GATAD2B: variants seen among roughly 807,000 people sequenced by gnomAD.
GATAD2B encodes transcriptional repressor p66-beta.
In GATAD2B, 8 loss-of-function variants were observed where a neutral mutation model predicts 64.3. The ratio of observed to expected loss-of-function variants is 0.12; its 90% CI spans 0.07 to 0.22. The LOEUF (loss-of-function observed/expected upper bound fraction) is 0.22, where lower values mean the gene tolerates loss of function less well. Ranked by LOEUF, GATAD2B falls within the 10% of genes least tolerant of loss-of-function variation. The pLI, the probability that GATAD2B is intolerant of heterozygous loss-of-function variation, is 1.00. For synonymous variants in GATAD2B, 281 were observed against 271.3 expected, an observed-to-expected ratio of 1.04 and a Z score of -0.35; for missense variants, 453 against 752.0, an observed-to-expected ratio of 0.60 and a Z score of 4.65.
In GATAD2B at chr1:153,852,207, T is replaced by C; in HGVS notation, c.-1-23859A>G. 3 of 1,045,984 alleles carry C rather than the reference T, an allele frequency of 2.9e-6. No individual in the cohort carries two copies. The South Asian group carries it at 3.9e-5, about 14-fold the overall frequency. The allele number at this position is 1,045,984 out of a possible 1,614,324, so 64.8% of individuals were successfully genotyped here. ...CAGTCAGTTGAGGGTGAAAGGGACCTACCAGCCAGTTGAGGGGCATGTTGT... is the reference window on the plus strand; with the variant it reads ...CAGTCAGTTGAGGGTGAAAGGGACCCACCAGCCAGTTGAGGGGCATGTTGT... On this transcript the variant is annotated intron_variant, in intron 1 of 10. Coordinates refer to ENST00000368655, the MANE Select transcript of GATAD2B (RefSeq NM_020699.4).
chr1:153,898,008 A>AC (rs1677651942), intron 1 of GATAD2B, among the ~76,000 whole-genome samples: 1 of 150,858 alleles, frequency 6.6e-6, no homozygotes, highest in African/African-American at 2.4e-5. Context: ...AAAAAACAAA[A>AC]AAAAAAAAAC....
At chr1:153,837,327 C>G (rs936240116) in intron 1 of GATAD2B, among the ~76,000 whole-genome samples, 1 of 140,772 alleles carries the variant, frequency 7.1e-6, no homozygotes, top group African/African-American at 2.7e-5. Flanking sequence ...GCCCTTATCT[C>G]AAAAACAACA....
chr1:153,876,592 G>A (rs1441427799), intron 1 of GATAD2B, among the ~76,000 whole-genome samples: 1 of 152,216 alleles, frequency 6.6e-6, no homozygotes, highest in Non-Finnish European at 1.5e-5. Flanking sequence ...AAGTTAGAGT[G>A]TGCTGCCTAG....
At chr1:153,910,307 A>T (rs1296403330) in intron 1 of GATAD2B, among the ~76,000 whole-genome samples, 1 of 152,168 alleles carries the variant, frequency 6.6e-6, no homozygotes, top group African/African-American at 2.4e-5. Context: ...CTCAACTTAA[A>T]ATTTTTCGAC....
intron 1 of GATAD2B, 98 bp from the exon 2 acceptor site, chr1:153,828,446 T>C: frequency 1.4e-6 from 1 of 715,378 alleles, no homozygotes; most frequent in Non-Finnish European, 2.3e-6. Context: ...AGAATCTCTC[T>C]CTCACACATA....
intron 1 of GATAD2B, among the ~76,000 whole-genome samples, chr1:153,867,962 G>A (rs1676535316): frequency 6.6e-6 from 1 of 152,196 alleles, no homozygotes; most frequent in Non-Finnish European, 1.5e-5. Flanking sequence ...ACTCTGGGAG[G>A]CTGAGGTGGG....
At position 153,870,339 on chromosome 1, in the gene GATAD2B, G is replaced by C. The variant is rs768305156; in HGVS notation, c.-1-41991C>G. On this transcript the variant is annotated intron_variant, in intron 1 of 10. Coordinates refer to ENST00000368655, the MANE Select transcript of GATAD2B (RefSeq NM_020699.4). ...TAATTCCAGCACTATGGGAGGCCAA[G>C]GCGGGCAGAATCACGAGGTCAGGAG... Among the ~76,000 whole-genome samples, 26 of 152,190 alleles carry C rather than the reference G, an allele frequency of 1.7e-4. 1 individual carries two copies. The highest frequency in any genetic ancestry group is 7.9e-4 in the Admixed American group (12 of 15,274).
At chr1:153,817,616 G>A (rs547415057) in intron 5 of GATAD2B, 74 bp from the exon 6 acceptor site, 3 of 1,005,786 alleles carry the variant, frequency 3.0e-6, no homozygotes, top group East Asian at 2.8e-5. Flanking sequence ...AATGCAAAAG[G>A]GAAAACACTG....
chr1:153,886,273 A>C (rs1677181035), intron 1 of GATAD2B, among the ~76,000 whole-genome samples: 1 of 152,234 alleles, frequency 6.6e-6, no homozygotes, highest in Non-Finnish European at 1.5e-5. Flanking sequence ...AGTGTATTTA[A>C]ACAAACCTAG....
chr1:153,867,849 G>T (rs1315388322), intron 1 of GATAD2B, among the ~76,000 whole-genome samples: 1 of 151,216 alleles, frequency 6.6e-6, no homozygotes, highest in Non-Finnish European at 1.5e-5. Context: ...GACAGAGTGA[G>T]ACTCCGTCTC....
chr1:153,817,077 A>C (rs899909698), intron 6 of GATAD2B, among the ~76,000 whole-genome samples: 3 of 152,044 alleles, frequency 2.0e-5, no homozygotes, highest in African/African-American at 7.2e-5. Context: ...CAGAAATAAG[A>C]TTTTGCTTTC....
chr1:153,836,157 C>A (rs1225745713), intron 1 of GATAD2B, among the ~76,000 whole-genome samples: 1 of 151,504 alleles, frequency 6.6e-6, no homozygotes, highest in African/African-American at 2.4e-5. Flanking sequence ...TAGAAAAGTA[C>A]ACAGTAAGGC....
At chr1:153,894,647 G>A (rs889313038) in intron 1 of GATAD2B, among the ~76,000 whole-genome samples, 8 of 151,960 alleles carry the variant, frequency 5.3e-5, no homozygotes, top group African/African-American at 1.9e-4. Context: ...CAGATCACGA[G>A]GTCAGAAGAT....
rs1012537445 is a variant in GATAD2B at position 153,912,014 on chromosome 1, G to A, written c.-2+10719C>T. Among the ~76,000 whole-genome samples the A allele has an allele frequency of 1.1e-4, 16 of 151,984 alleles. 1 individual carries two copies. Among genetic ancestry groups the A allele is most frequent in the African/African-American group, 2.4e-4 (10 of 41,378 alleles). On this transcript the variant is annotated intron_variant, in intron 1 of 10. Coordinates refer to ENST00000368655, the MANE Select transcript of GATAD2B (RefSeq NM_020699.4). The stretch of plus-strand genomic sequence containing the variant: ...CTCTCCCTGTAATTATCAAGTATTC[G>A]CGGAGCCAGAATAGAAAGTTTAATT...
At chr1:153,857,261 C>T (rs1676118595) in intron 1 of GATAD2B, among the ~76,000 whole-genome samples, 2 of 151,964 alleles carry the variant, frequency 1.3e-5, no homozygotes, top group South Asian at 4.1e-4. Flanking sequence ...GCCTGGCCAA[C>T]ATAGTGAAAC....
At chr1:153,840,064 C>A (rs1410258594) in intron 1 of GATAD2B, among the ~76,000 whole-genome samples, 6 of 130,894 alleles carry the variant, frequency 4.6e-5, no homozygotes, top group African/African-American at 1.5e-4. Context: ...CGGAGTCTCA[C>A]TCTTGTTGCC....
At chr1:153,913,691 G>C (rs1314384291) in intron 1 of GATAD2B, among the ~76,000 whole-genome samples, 2 of 152,162 alleles carry the variant, frequency 1.3e-5, no homozygotes, top group African/African-American at 4.8e-5. Flanking sequence ...GGCCAAGGCA[G>C]GCAGATCACG....
At chr1:153,877,002 C>T (rs1457499726) in intron 1 of GATAD2B, among the ~76,000 whole-genome samples, 1 of 151,500 alleles carries the variant, frequency 6.6e-6, no homozygotes, top group Non-Finnish European at 1.5e-5. Context: ...GGGTGAAAGG[C>T]GAGACTCCGC....
intron 1 of GATAD2B, among the ~76,000 whole-genome samples, chr1:153,857,397 G>C (rs1187300468): frequency 1.3e-5 from 2 of 152,076 alleles, no homozygotes; most frequent in Non-Finnish European, 2.9e-5. Context: ...AGTGAGCCAA[G>C]ATCGCGCCAC....
Sources: gnomAD v4.1 joint callset for allele counts (sites outside exome capture counted in the v4.1 genomes callset) on GRCh38, gnomAD v4.1.1 for gene constraint, MANE v1.5 for transcripts, NCBI Gene and HGNC (gene_info 2026-07-23, HGNC 2026-07-21) for gene names.